SOS2: variants seen among roughly 807,000 people sequenced by gnomAD.
SOS2 encodes son of sevenless homolog 2.
Under a neutral mutation model 148.2 loss-of-function variants are expected in SOS2, and 65 were observed. The ratio of observed to expected loss-of-function variants is 0.44; its 90% CI spans 0.36 to 0.54. SOS2 has a LOEUF of 0.54. Among genes scored for constraint, SOS2 ranks in the 20% least tolerant of loss-of-function variants. The pLI is 0.00. For missense variants in SOS2, 1,341 were observed against 1,590.2 expected, an observed-to-expected ratio of 0.84 and a Z score of 2.67; for synonymous variants, 539 against 537.1, an observed-to-expected ratio of 1.00 and a Z score of -0.05.
chr14:50,144,703 G>T (rs1884410234), intron 16 of SOS2, among the ~76,000 whole-genome samples: 3 of 152,132 alleles, frequency 2.0e-5, no homozygotes, highest in Admixed American at 2.0e-4. Context: ...CTCCTAAAGT[G>T]CTGGGATTAC....
At chr14:50,214,838 CTTTTT>C (rs565287023) in intron 1 of SOS2, among the ~76,000 whole-genome samples, 1 of 136,566 alleles carries the variant, frequency 7.3e-6, no homozygotes, top group Non-Finnish European at 1.6e-5. Flanking sequence ...TTCTTTCTTT[CTTTTT>C]TTTTTTTTTT....
intron 1 of SOS2, chr14:50,215,398 AAG>A (rs1218116779): frequency 1.6e-6 from 2 of 1,284,886 alleles, no homozygotes; most frequent in African/African-American, 1.5e-5. Flanking sequence ...ACAGGACATC[AAG>A]AGGACAATGG....
Position 50,203,710 on chromosome 14 carries a change from CAG to C in SOS2, c.213+572_213+573del, listed in dbSNP as rs1886573518. Among the ~76,000 whole-genome samples, 7 of 151,856 alleles carry C rather than the reference CAG, an allele frequency of 4.6e-5. No homozygotes were observed. In the South Asian group the frequency reaches 1.5e-3, roughly 32 times the overall value. On this transcript the variant is annotated intron_variant, in intron 2 of 22. Transcript: ENST00000216373. Reference sequence around the variant, plus strand: ...TAATATTTATATGCAGTAAAATACACAGATCTTAAAATGTACAATTTGTTGAG... The same window carrying C: ...TAATATTTATATGCAGTAAAATACACATCTTAAAATGTACAATTTGTTGAG...
chr14:50,200,814 TG>T (rs1886462455), intron 3 of SOS2, 138 bp downstream of exon 3: 1 of 640,246 alleles, frequency 1.6e-6, no homozygotes, highest in African/African-American at 1.8e-5. Context: ...ATATGCGATG[TG>T]TATGTACAAG....
intron 4 of SOS2, among the ~76,000 whole-genome samples, chr14:50,198,645 T>C (rs1886387968): frequency 6.6e-6 from 1 of 152,234 alleles, no homozygotes; most frequent in African/African-American, 2.4e-5. Flanking sequence ...CAGCATGTGC[T>C]AGGTCCTGAA....
intron 5 of SOS2, among the ~76,000 whole-genome samples, chr14:50,187,865 C>A (rs551036990): frequency 6.6e-6 from 1 of 152,238 alleles, no homozygotes; most frequent in African/African-American, 2.4e-5. Flanking sequence ...AAGGTACTTA[C>A]CAAAAGACAG....
intron 5 of SOS2, 43 bp from the exon 6 acceptor site, chr14:50,182,649 T>A: frequency 6.5e-7 from 1 of 1,531,804 alleles, no homozygotes; most frequent in Non-Finnish European, 8.9e-7. Context: ...AGATTGAGAA[T>A]TCTGCTAAAA....
intron 21 of SOS2, among the ~76,000 whole-genome samples, chr14:50,126,641 A>T (rs562284729): frequency 6.6e-6 from 1 of 152,290 alleles, no homozygotes; most frequent in African/African-American, 2.4e-5. Flanking sequence ...ATGACAGATG[A>T]AGAAAATAAA....
chr14:50,151,075 T>A (rs1884647397), intron 13 of SOS2, among the ~76,000 whole-genome samples: 4 of 152,054 alleles, frequency 2.6e-5, no homozygotes, highest in African/African-American at 7.2e-5. Flanking sequence ...CCCAAGCTGG[T>A]CTTGAACTCC....
chr14:50,180,024 A>G (rs529047071), intron 7 of SOS2, among the ~76,000 whole-genome samples: 10 of 151,062 alleles, frequency 6.6e-5, no homozygotes, highest in Middle Eastern at 6.9e-3. Context: ...TTATTTTTTG[A>G]GACAGAGTCT....
chr14:50,209,488 C>T (rs1886791979), intron 1 of SOS2, among the ~76,000 whole-genome samples: 9 of 151,972 alleles, frequency 5.9e-5, no homozygotes, highest in Admixed American at 5.2e-4. Flanking sequence ...ATTTTTAGGC[C>T]AGGTGCGGTG....
chr14:50,174,567 G>C lies in SOS2; in HGVS notation c.970-15C>G, dbSNP rs781519750. The C allele has an allele frequency of 3.3e-6, 5 of 1,505,698 alleles. No homozygotes were observed. Among genetic ancestry groups the C allele is most frequent in the Non-Finnish European group, 4.6e-6 (5 of 1,085,766 alleles). 93.3% of individuals were successfully genotyped at this position (1,505,698 alleles called of 1,614,324 possible). ...TCAGCAATGGACTGCAAAGCAAAAA[G>C]ATATCACAGTATGTATGTCTCTGAC... is the stretch of plus-strand genomic sequence containing the variant. On this transcript the variant is annotated splice_polypyrimidine_tract_variant and intron_variant, in intron 7 of 22. Transcript: ENST00000216373.
chr14:50,188,678 T>C lies in SOS2; in HGVS notation c.533A>G (p.Gln178Arg). The change falls in exon 5 of 23, where the codon CAG (glutamine) becomes CGG (arginine). Residue 178 changes from glutamine (Q) to arginine (R), a missense_variant. By Grantham distance (43) the Gln-to-Arg change is conservative (BLOSUM62 1). Coordinates refer to ENST00000216373, the MANE Select transcript of SOS2 (RefSeq NM_006939.4). ...ADKVLMDMFD[Q>R]DDIGLVSLCE... ...GAGAGAAACCAAACCTATGTCATCC[T>C]GATCAAACATGTCCATCAAAACCTG... The C allele has an allele frequency of 6.3e-7, 1 of 1,598,582 alleles. No individual in the cohort carries two copies. Among genetic ancestry groups the C allele is most frequent in the Non-Finnish European group, 8.5e-7 (1 of 1,174,676 alleles).
intron 5 of SOS2, 96 bp from the exon 6 acceptor site, chr14:50,182,702 C>G: frequency 2.2e-6 from 2 of 929,124 alleles, no homozygotes; most frequent in Non-Finnish European, 1.6e-6. Flanking sequence ...TCGAGGCAGA[C>G]TGCCTATGGA....
At chr14:50,208,669 A>G (rs1886756908) in intron 1 of SOS2, among the ~76,000 whole-genome samples, 1 of 152,198 alleles carries the variant, frequency 6.6e-6, no homozygotes, top group Admixed American at 6.5e-5. Flanking sequence ...AAACAAAACA[A>G]AAAAAGCTAC....
intron 1 of SOS2, among the ~76,000 whole-genome samples, chr14:50,219,457 T>C (rs1173141574): frequency 2.0e-5 from 3 of 152,144 alleles, no homozygotes; most frequent in Admixed American, 1.3e-4. Flanking sequence ...AGTATTAATA[T>C]AAAACTCTAG....
intron 18 of SOS2, among the ~76,000 whole-genome samples, chr14:50,137,769 T>C (rs1156855419): frequency 3.3e-5 from 5 of 152,134 alleles, no homozygotes; most frequent in Non-Finnish European, 7.3e-5. Context: ...TCATGGAGAG[T>C]GGGGTATCCA....
At chr14:50,133,283 G>A (rs1883965562) in intron 19 of SOS2, among the ~76,000 whole-genome samples, 1 of 101,888 alleles carries the variant, frequency 9.8e-6, no homozygotes, top group South Asian at 3.0e-4. Flanking sequence ...GTCTTGCTCT[G>A]TCACCCAGGT....
Position 50,152,497 on chromosome 14 carries a change from T to C in SOS2, c.2161+573A>G, listed in dbSNP as rs560838932. Reference sequence around the variant, plus strand: ...AACCTTGCAATGAGATAAAATTAAATAGCTTAAATTTATTAAAAAGAACTT... The same window carrying C: ...AACCTTGCAATGAGATAAAATTAAACAGCTTAAATTTATTAAAAAGAACTT... On this transcript the variant is annotated intron_variant, in intron 13 of 22. Coordinates refer to ENST00000216373, the MANE Select transcript of SOS2 (RefSeq NM_006939.4). Among the ~76,000 whole-genome samples, 3 of 152,318 alleles carry C rather than the reference T, an allele frequency of 2.0e-5. No individual in the cohort carries two copies. The East Asian group carries it at 5.8e-4, about 29-fold the overall frequency.
Sources: allele counts gnomAD v4.1 joint callset (sites outside exome capture counted in the v4.1 genomes callset), GRCh38; gene constraint gnomAD v4.1.1; transcripts MANE v1.5; gene names NCBI Gene and HGNC (gene_info 2026-07-23, HGNC 2026-07-21).